LRRFIP2: variants seen among roughly 807,000 people sequenced by gnomAD.
LRRFIP2 encodes the protein leucine-rich repeat flightless-interacting protein 2.
Under a neutral mutation model 125.9 loss-of-function variants are expected in LRRFIP2, and 109 were observed. The observed-to-expected ratio is 0.87, with a 90% CI of 0.74 to 1.01. LRRFIP2 has a LOEUF of 1.01. LRRFIP2 is among the 50% of genes least tolerant of loss of function. The pLI, the probability that LRRFIP2 is intolerant of heterozygous loss-of-function variation, is 0.00. For synonymous variants in LRRFIP2, 291 were observed against 293.1 expected (o/e 0.99, Z 0.07); for missense variants, 850 against 862.3 (o/e 0.99, Z 0.18).
chr3:37,058,827 C>T lies in LRRFIP2; in HGVS notation c.1833G>A (p.Leu611=), dbSNP rs757271182. 5 of 1,614,004 alleles carry T rather than the reference C, an allele frequency of 3.1e-6. No individual in the cohort carries two copies. The highest frequency in any genetic ancestry group is 1.3e-5 in the African/African-American group (1 of 74,906). ...NDGTVGDLAG[L]QNGSDLQFIE... Reference sequence around the variant, plus strand: ...TGAACTGCAAGTCTGAGCCATTCTGCAGTCCTGCCAGGTCACCCACTGTGC... The same window carrying T: ...TGAACTGCAAGTCTGAGCCATTCTGTAGTCCTGCCAGGTCACCCACTGTGC... Residue 611 remains leucine (L), a synonymous_variant, in exon 25 of 28, where the codon CTG becomes CTA. Transcript: ENST00000336686.
Position 37,060,743 on chromosome 3 carries a change from C to T in LRRFIP2, c.1750-1833G>A, listed in dbSNP as rs908635288. On this transcript the variant is annotated intron_variant, in intron 24 of 27. Coordinates refer to ENST00000336686, the MANE Select transcript of LRRFIP2 (RefSeq NM_006309.4). This position sits in a 1 kb window ranked among gnomAD's most constrained non-coding sequence, Gnocchi z 4.1. ...TAATCTCGTCTCTTCAAATTATATA[C>T]ACTAACTACTTATCATTGCCAAAAT... Among the ~76,000 whole-genome samples the T allele has an allele frequency of 2.0e-5, 3 of 152,252 alleles. 1 individual carries two copies. The highest frequency in any genetic ancestry group is 2.1e-4 in the South Asian group (1 of 4,816).
chr3:37,153,730 C>T (rs1270795530), intron 1 of LRRFIP2, among the ~76,000 whole-genome samples: 1 of 152,108 alleles, frequency 6.6e-6, no homozygotes, highest in African/African-American at 2.4e-5. Context: ...AAAGAGATGA[C>T]AGGAAAAAGC....
intron 1 of LRRFIP2, among the ~76,000 whole-genome samples, chr3:37,152,644 T>C (rs1560095493): frequency 6.6e-6 from 1 of 152,130 alleles, no homozygotes; most frequent in Non-Finnish European, 1.5e-5. Flanking sequence ...GGTTTCACCA[T>C]GTTGGCCAGA....
At chr3:37,071,143 G>C (rs1478876726) in intron 21 of LRRFIP2, among the ~76,000 whole-genome samples, 1 of 152,200 alleles carries the variant, frequency 6.6e-6, no homozygotes, top group Non-Finnish European at 1.5e-5. Context: ...TCTAGGTTTA[G>C]ATGGAATTTT....
intron 16 of LRRFIP2, 104 bp downstream of exon 16, chr3:37,096,512 G>T: frequency 1.4e-6 from 1 of 712,494 alleles, no homozygotes; most frequent in South Asian, 1.7e-5. Context: ...AAGGGAGGAA[G>T]AGCAGCTACA....
chr3:37,103,131 A>G (rs2094156789), intron 14 of LRRFIP2, 118 bp from the exon 15 acceptor site: 2 of 643,210 alleles, frequency 3.1e-6, no homozygotes, highest in Non-Finnish European at 5.3e-6. Flanking sequence ...ATAAAGTACC[A>G]AGAAATAAAA....
intron 18 of LRRFIP2, among the ~76,000 whole-genome samples, chr3:37,085,311 A>G (rs2092962762): frequency 6.6e-6 from 1 of 152,000 alleles, no homozygotes; most frequent in African/African-American, 2.4e-5. Context: ...GGAGTTCAAG[A>G]CCAGCTTGAC....
intron 16 of LRRFIP2, 44 bp from the exon 17 acceptor site, chr3:37,094,952 AAT>A (rs1559814263): frequency 7.9e-7 from 1 of 1,271,672 alleles, no homozygotes; most frequent in Admixed American, 1.7e-5. Flanking sequence ...TTTCTTTAAA[AAT>A]ATGTTTGCTG....
At chr3:37,061,119 T>G (rs1243450712) in intron 24 of LRRFIP2, among the ~76,000 whole-genome samples, 1 of 152,120 alleles carries the variant, frequency 6.6e-6, no homozygotes, top group African/African-American at 2.4e-5. Context: ...ACCTCCCCAC[T>G]CTCTCTGGCT....
intron 22 of LRRFIP2, 56 bp from the exon 23 acceptor site, chr3:37,065,998 T>C: frequency 6.2e-7 from 1 of 1,607,700 alleles, no homozygotes; most frequent in Non-Finnish European, 8.5e-7. Context: ...CTGTAAGCTC[T>C]GTGAGGTCAC....
intron 27 of LRRFIP2, 138 bp downstream of exon 27, chr3:37,054,272 CA>C (rs2086175533): frequency 2.9e-6 from 2 of 683,816 alleles, no homozygotes; most frequent in Non-Finnish European, 5.0e-6. Context: ...CTATGCAGGT[CA>C]AAAACCAACA....
At chr3:37,055,010 A>C in intron 26 of LRRFIP2, 76 bp downstream of exon 26, 2 of 904,062 alleles carry the variant, frequency 2.2e-6, no homozygotes. Flanking sequence ...AAGGCAACCC[A>C]GGCACTCATG....
chr3:37,107,192 T>A (rs2094370129), intron 13 of LRRFIP2, among the ~76,000 whole-genome samples: 1 of 152,064 alleles, frequency 6.6e-6, no homozygotes, highest in African/African-American at 2.4e-5. Context: ...TGAGCCACCA[T>A]GCCCGGACAG....
chr3:37,090,031 T>G (rs954323035), intron 18 of LRRFIP2, among the ~76,000 whole-genome samples: 2 of 152,328 alleles, frequency 1.3e-5, no homozygotes, highest in African/African-American at 4.8e-5. Context: ...TCTTACTCTG[T>G]TTCTCATGGA....
chr3:37,112,229 G>C (rs189559666), intron 8 of LRRFIP2, among the ~76,000 whole-genome samples: 1 of 152,000 alleles, frequency 6.6e-6, no homozygotes, highest in East Asian at 1.9e-4. Flanking sequence ...CCAGCTACTT[G>C]GGAGGCTGAG....
Position 37,102,972 on chromosome 3 carries a change from T to C in LRRFIP2, c.825A>G (p.Gly275=), listed in dbSNP as rs770672189. 8 of 1,565,820 alleles carry C rather than the reference T, an allele frequency of 5.1e-6. No homozygotes were observed. Among genetic ancestry groups the C allele is most frequent in the Non-Finnish European group, 6.1e-6 (7 of 1,153,552 alleles). The change falls in exon 15 of 28, where the codon GGA becomes GGG. Residue 275 remains glycine (G), a synonymous_variant. Coordinates refer to ENST00000336686, the MANE Select transcript of LRRFIP2 (RefSeq NM_006309.4). The part of the protein sequence containing the change: ...ADYFSRSNRR[G]SVVSEVDDIS... The stretch of plus-strand genomic sequence containing the variant: ...TATCATCCACCTCAGAGACAACACT[T>C]CCCCTACGATTGGAGCGACTGAAAT...
At chr3:37,104,516 C>G (rs1474039031) in intron 14 of LRRFIP2, among the ~76,000 whole-genome samples, 4 of 152,212 alleles carry the variant, frequency 2.6e-5, no homozygotes, top group Non-Finnish European at 5.9e-5. Context: ...TTCCCCTTCT[C>G]TATGAAAACT....
At chr3:37,090,373 C>G (rs552797154) in intron 18 of LRRFIP2, among the ~76,000 whole-genome samples, 1 of 151,970 alleles carries the variant, frequency 6.6e-6, no homozygotes, top group African/African-American at 2.4e-5. Context: ...GGATTACAGG[C>G]GCCTGCCACC....
chr3:37,060,147 G>T lies in LRRFIP2; in HGVS notation c.1750-1237C>A, dbSNP rs2088145940. On this transcript the variant is annotated intron_variant, in intron 24 of 27. Coordinates refer to ENST00000336686, the MANE Select transcript of LRRFIP2 (RefSeq NM_006309.4). This position sits in a 1 kb window ranked among gnomAD's most constrained non-coding sequence, Gnocchi z 4.1. Reference sequence around the variant, plus strand: ...CATCTCCTAACCTTTCCCAATGCCTGAAACTTTTCCACTGGGCCCTCTAGA... The same window carrying T: ...CATCTCCTAACCTTTCCCAATGCCTTAAACTTTTCCACTGGGCCCTCTAGA... Among the ~76,000 whole-genome samples the T allele has an allele frequency of 6.6e-6, 1 of 152,132 alleles. No homozygotes were observed. The highest frequency in any genetic ancestry group is 6.5e-5 in the Admixed American group (1 of 15,276).
Sources: allele counts gnomAD v4.1 joint callset (sites outside exome capture counted in the v4.1 genomes callset), GRCh38; gene constraint gnomAD v4.1.1; non-coding constraint Gnocchi (gnomAD v3.1); transcripts MANE v1.5; gene names NCBI Gene and HGNC (gene_info 2026-07-23, HGNC 2026-07-21).